The following FRS2 variants were observed in gnomAD, a reference collection of about 807,000 sequenced individuals.
The protein encoded by FRS2 is fibroblast growth factor receptor substrate 2.
In FRS2, 8 loss-of-function variants were observed where a neutral mutation model predicts 43.9. The ratio of observed to expected loss-of-function variants is 0.18; its 90% confidence interval spans 0.11 to 0.33. FRS2 has a LOEUF of 0.33. Ranked by LOEUF, FRS2 falls within the 10% of genes least tolerant of loss-of-function variation. The pLI is 1.00. For missense variants in FRS2, 534 were observed against 627.6 expected, an observed-to-expected ratio of 0.85 and a Z score of 1.59; for synonymous variants, 219 against 220.3, an observed-to-expected ratio of 0.99 and a Z score of 0.05.
chr12:69,514,654 G>A (rs534949378), intron 1 of FRS2, among the ~76,000 whole-genome samples: 314 of 152,140 alleles, frequency 2.1e-3, no homozygotes, highest in African/African-American at 7.2e-3. Flanking sequence ...CCAACATGGC[G>A]AAACCCCATC....
chr12:69,482,207 A>G (rs1871408927), intron 1 of FRS2, among the ~76,000 whole-genome samples: 1 of 152,218 alleles, frequency 6.6e-6, no homozygotes, highest in African/African-American at 2.4e-5. Flanking sequence ...AGAGTTGCAC[A>G]TAGCAAAGGA....
At chr12:69,484,072 A>G (rs1384762497) in intron 1 of FRS2, among the ~76,000 whole-genome samples, 1 of 152,040 alleles carries the variant, frequency 6.6e-6, no homozygotes, top group Non-Finnish European at 1.5e-5. Context: ...ATTACTTTTA[A>G]TTAATTGGAA....
chr12:69,512,087 TAGC>T (rs536274610), intron 1 of FRS2, among the ~76,000 whole-genome samples: 276 of 152,346 alleles, frequency 1.8e-3, no homozygotes, highest in African/African-American at 6.4e-3. Flanking sequence ...GGACGAGAAA[TAGC>T]AGTACATGTG....
chr12:69,514,220 G>A (rs978816287), intron 1 of FRS2, among the ~76,000 whole-genome samples: 1 of 152,070 alleles, frequency 6.6e-6, no homozygotes, highest in African/African-American at 2.4e-5. Context: ...CCAGATTCAG[G>A]GCTAAGCAAC....
chr12:69,549,218 A>T (rs1385110833), intron 3 of FRS2, among the ~76,000 whole-genome samples: 3 of 152,118 alleles, frequency 2.0e-5, no homozygotes, highest in African/African-American at 7.2e-5. Context: ...ATCATATTAA[A>T]TGTTTTACTT....
At chr12:69,541,221 A>G (rs948431071) in intron 3 of FRS2, among the ~76,000 whole-genome samples, 15 of 152,314 alleles carry the variant, frequency 9.8e-5, no homozygotes, top group African/African-American at 3.4e-4. Flanking sequence ...TTAGTAAAGG[A>G]GGATATCAGA....
intron 1 of FRS2, among the ~76,000 whole-genome samples, chr12:69,490,259 A>C (rs1196811483): frequency 1.3e-5 from 2 of 152,194 alleles, no homozygotes; most frequent in Non-Finnish European, 2.9e-5. Context: ...AATAGCAAAA[A>C]CAAAAATCAT....
chr12:69,558,211 A>G (rs1468195330), intron 3 of FRS2, among the ~76,000 whole-genome samples: 1 of 152,104 alleles, frequency 6.6e-6, no homozygotes, highest in East Asian at 1.9e-4. Flanking sequence ...CTGTCGGGGG[A>G]ATGTTTATAA....
chr12:69,485,812 CTTAAGTGCATTTTTT>C (rs1871885953), intron 1 of FRS2, among the ~76,000 whole-genome samples: 1 of 152,166 alleles, frequency 6.6e-6, no homozygotes, highest in Admixed American at 6.5e-5. Context: ...ACACACTGTA[CTTAAGTGCATTTTTT>C]TTCAGTCTTC....
At chr12:69,536,579 A>ATTTTTTTTTTTTTTTTTTTTTTTT (rs5798939) in intron 3 of FRS2, among the ~76,000 whole-genome samples, 1 of 134,260 alleles carries the variant, frequency 7.4e-6, no homozygotes. Flanking sequence ...TTTTTTTTTA[A>ATTTTTTTTTTTTTTTTTTTTTTTT]TTTTTTTTTT....
At chr12:69,485,717 C>T (rs891138592) in intron 1 of FRS2, among the ~76,000 whole-genome samples, 5 of 152,142 alleles carry the variant, frequency 3.3e-5, no homozygotes, top group Non-Finnish European at 5.9e-5. Flanking sequence ...ATCCGCCCAC[C>T]TTGGCCTCCC....
Position 69,470,443 on chromosome 12 carries a change from T to A in FRS2, c.-348T>A, listed in dbSNP as rs1232105600. On this transcript the variant is annotated 5_prime_UTR_variant, in exon 1 of 9. Coordinates refer to ENST00000549921, the MANE Select transcript of FRS2 (RefSeq NM_001278356.2). ...GCACAGCGGCTGAGACTCGATCTGC[T>A]CCAAGTAGGGGCTCCAGCGCGGGTC... 5 of 398,458 alleles carry A rather than the reference T, an allele frequency of 1.3e-5. No individual in the cohort carries two copies. In the East Asian group the frequency reaches 1.8e-4, roughly 14 times the overall value. The allele number at this position is 398,458 out of a possible 1,614,324, so 24.7% of individuals were successfully genotyped here.
At chr12:69,573,651 C>T (rs929399463) in intron 8 of FRS2, among the ~76,000 whole-genome samples, 1 of 152,018 alleles carries the variant, frequency 6.6e-6, no homozygotes, top group Admixed American at 6.6e-5. Flanking sequence ...TTAGTAGGGA[C>T]GGGGTTTCAC....
chr12:69,568,890 A>G (rs1387351283), intron 4 of FRS2, 115 bp from the exon 5 acceptor site: 2 of 506,300 alleles, frequency 4.0e-6, no homozygotes, highest in African/African-American at 2.0e-5. Flanking sequence ...ACCTTGTTGG[A>G]CTTAATTTTC....
intron 3 of FRS2, among the ~76,000 whole-genome samples, chr12:69,546,388 G>T (rs574572915): frequency 3.7e-4 from 57 of 152,094 alleles, no homozygotes; most frequent in South Asian, 1.0e-3. Context: ...CTCCCAAGTA[G>T]CTGGGACTAT....
intron 3 of FRS2, among the ~76,000 whole-genome samples, chr12:69,534,959 T>C (rs781139521): frequency 6.6e-5 from 10 of 152,220 alleles, no homozygotes; most frequent in Non-Finnish European, 1.0e-4. Flanking sequence ...ATCTTTCCAG[T>C]TGATCCTTTT....
chr12:69,495,042 A>G (rs1872758912), intron 1 of FRS2, among the ~76,000 whole-genome samples: 1 of 152,188 alleles, frequency 6.6e-6, no homozygotes, highest in Non-Finnish European at 1.5e-5. Context: ...AAGTGCTGGG[A>G]TTACAGGCAT....
chr12:69,555,114 A>G (rs1286013753), intron 3 of FRS2, among the ~76,000 whole-genome samples: 1 of 151,548 alleles, frequency 6.6e-6, no homozygotes, highest in African/African-American at 2.4e-5. Context: ...GCGCAATCTC[A>G]GCTCACTGCA....
chr12:69,470,932 GC>G (rs1186457010), intron 1 of FRS2, among the ~76,000 whole-genome samples: 1 of 152,054 alleles, frequency 6.6e-6, no homozygotes, highest in Non-Finnish European at 1.5e-5. Flanking sequence ...CCGACTTTTC[GC>G]CTCCTCTGGG....
Sources: allele counts gnomAD v4.1 joint callset (sites outside exome capture counted in the v4.1 genomes callset), GRCh38; gene constraint gnomAD v4.1.1; transcripts MANE v1.5; gene names NCBI Gene and HGNC (gene_info 2026-07-23, HGNC 2026-07-21).